The following ORC3 variants were observed in gnomAD, a reference collection of about 807,000 sequenced individuals.
ORC3 encodes the protein origin recognition complex subunit 3.
A neutral mutation model predicts 100.7 loss-of-function variants in ORC3; 78 were observed. The observed-to-expected ratio is 0.77, with a 90% CI of 0.65 to 0.94. The LOEUF (loss-of-function observed/expected upper bound fraction) is 0.94, where lower values mean the gene tolerates loss of function less well. ORC3 is among the 40% of genes least tolerant of loss of function. ORC3 has a pLI of 0.00. For missense variants in ORC3, 789 were observed against 823.9 expected (o/e 0.96, Z 0.52); for synonymous variants, 295 against 289.3 (o/e 1.02, Z -0.20).
chr6:87,669,972 G>A (rs1437193808), downstream of ORC3, among the ~76,000 whole-genome samples: 2 of 152,174 alleles, frequency 1.3e-5, no homozygotes, highest in Non-Finnish European at 2.9e-5. Context: ...TACACTGTAA[G>A]GTACAGAGGA....
chr6:87,607,736 C>T lies in ORC3; in HGVS notation c.491C>T (p.Ser164Phe). The change falls in exon 6 of 20, where the codon TCC (serine) becomes TTC (phenylalanine). Residue 164 changes from serine (S) to phenylalanine (F), a missense_variant. By Grantham distance (155) the Ser-to-Phe change is radical. Coordinates refer to ENST00000392844, the MANE Select transcript of ORC3 (RefSeq NM_012381.4). ...ATGGACTGCTGTGTAGATATAAAAT[C>T]CAAAGAGGAGGAAAGTGTTCACGTC... is the stretch of plus-strand genomic sequence containing the variant. ...QLMDCCVDIKSKEEESVHVTQ... is the reference protein window; with the variant it reads ...QLMDCCVDIKFKEEESVHVTQ... 6.2e-7 allele frequency: 1 copy of T among 1,611,150 alleles called. No homozygotes were observed. Among genetic ancestry groups the T allele is most frequent in the Non-Finnish European group, 8.5e-7 (1 of 1,178,170 alleles).
At chr6:87,673,192 ACTCT>A in the ORC3 span, among the ~76,000 whole-genome samples, 1 of 119,856 alleles carries the variant, frequency 8.3e-6, no homozygotes, top group Middle Eastern at 7.0e-3. Flanking sequence ...ACAGAGTCTC[ACTCT>A]GTCACCCAGA....
intron 2 of ORC3, among the ~76,000 whole-genome samples, chr6:87,597,714 T>G (rs1463981286): frequency 6.7e-6 from 1 of 149,672 alleles, no homozygotes; most frequent in African/African-American, 2.5e-5. Context: ...CACACACATA[T>G]ATATATAATT....
chr6:87,640,006 T>C (rs1768120219), intron 13 of ORC3, among the ~76,000 whole-genome samples: 1 of 151,376 alleles, frequency 6.6e-6, no homozygotes, highest in Non-Finnish European at 1.5e-5. Flanking sequence ...AAAATATACA[T>C]ATAAAAGAAA....
At position 87,614,709 on chromosome 6, in the gene ORC3, G is replaced by A. The variant is rs573664814; in HGVS notation, c.874-1605G>A. Among the ~76,000 whole-genome samples, 14 of 152,218 alleles carry A rather than the reference G, an allele frequency of 9.2e-5. No individual in the cohort carries two copies. In the South Asian group the frequency reaches 1.2e-3, roughly 14 times the overall value. On this transcript the variant is annotated intron_variant, in intron 8 of 19. Coordinates refer to ENST00000392844, the MANE Select transcript of ORC3 (RefSeq NM_012381.4). Reference sequence around the variant, plus strand: ...ATCTCTGGGGCAGGGGCAAAATGCCGCCAGTCTCTTTGCTAAAACATAACA... The same window carrying A: ...ATCTCTGGGGCAGGGGCAAAATGCCACCAGTCTCTTTGCTAAAACATAACA...
At chr6:87,592,928 C>G (rs760465606) in intron 1 of ORC3, among the ~76,000 whole-genome samples, 7 of 151,762 alleles carry the variant, frequency 4.6e-5, no homozygotes, top group Non-Finnish European at 8.8e-5. Context: ...CCCGTCTCTA[C>G]TAAAAATACA....
the ORC3 span, chr6:87,675,983 C>T: frequency 1.3e-6 from 2 of 1,489,292 alleles, no homozygotes; most frequent in Non-Finnish European, 1.9e-6. Flanking sequence ...TTATTAGAGC[C>T]AGATAAACTG....
intron 13 of ORC3, among the ~76,000 whole-genome samples, chr6:87,638,542 A>C (rs1767992191): frequency 6.6e-6 from 1 of 152,254 alleles, no homozygotes; most frequent in Non-Finnish European, 1.5e-5. Context: ...AATCAGCTTA[A>C]ATTATTTTTC....
At chr6:87,657,886 G>A in intron 15 of ORC3, 35 bp from the exon 16 acceptor site, 1 of 1,180,510 alleles carries the variant, frequency 8.5e-7, no homozygotes. Flanking sequence ...TTCTGTCTGA[G>A]GATCACCAGA....
rs200786574 is a variant in ORC3, at chr6:87,610,204, C to CTTAATT, written c.713+977_713+978insAATTTT. ...TTGTGTTAAATAATTTACTAGTATA[C>CTTAATT]TTTATTTTTATTTTTATTTTTGGAG... On this transcript the variant is annotated intron_variant, in intron 7 of 19. Coordinates refer to ENST00000392844, the MANE Select transcript of ORC3 (RefSeq NM_012381.4). Among the ~76,000 whole-genome samples the CTTAATT allele has an allele frequency of 5.3e-5, 8 of 151,988 alleles. No homozygotes were observed. The East Asian group carries it at 1.5e-3, about 29-fold the overall frequency.
At chr6:87,641,860 T>A (rs1768282527) in intron 13 of ORC3, among the ~76,000 whole-genome samples, 1 of 152,198 alleles carries the variant, frequency 6.6e-6, no homozygotes, top group Non-Finnish European at 1.5e-5. Context: ...TTTCCTGACT[T>A]TGCAGATCAA....
At chr6:87,609,407 C>A in intron 7 of ORC3, 178 bp downstream of exon 7, 2 of 493,070 alleles carry the variant, frequency 4.1e-6, no homozygotes, top group Non-Finnish European at 6.9e-6. Context: ...CTTTTTGAGC[C>A]AAGAATGAGA....
At chr6:87,665,538 ACT>A (rs1266628339) in intron 18 of ORC3, among the ~76,000 whole-genome samples, 1 of 152,122 alleles carries the variant, frequency 6.6e-6, no homozygotes, top group African/African-American at 2.4e-5. Flanking sequence ...TTCTCTGCAT[ACT>A]CTTAGTTCTC....
chr6:87,644,076 G>GT lies in ORC3; in HGVS notation c.1382+7591dup, dbSNP rs1562366738. Among the ~76,000 whole-genome samples the GT allele has an allele frequency of 1.0e-4, 10 of 99,676 alleles. 1 individual carries two copies. Among genetic ancestry groups the GT allele is most frequent in the African/African-American group, 3.5e-4 (8 of 22,902 alleles). 65.4% of individuals were successfully genotyped at this position (99,676 alleles called of 152,430 possible). On this transcript the variant is annotated intron_variant, in intron 13 of 19. Transcript: ENST00000392844. The stretch of plus-strand genomic sequence containing the variant: ...GACCCACAGATACAGATGGCTGACT[G>GT]TCCTTTTTTTTTTTTTTTTTTTTTT...
intron 16 of ORC3, among the ~76,000 whole-genome samples, chr6:87,659,032 AG>A (rs1769960982): frequency 9.7e-6 from 1 of 102,616 alleles, no homozygotes. Context: ...CGGGGGGGGG[AG>A]AACCTGTTAT....
chr6:87,622,883 A>G (rs143276386), intron 11 of ORC3, among the ~76,000 whole-genome samples: 25 of 152,314 alleles, frequency 1.6e-4, no homozygotes, highest in African/African-American at 5.3e-4. Context: ...CTTTTTTAAG[A>G]ACATGCCTCT....
chr6:87,636,405 A>C lies in ORC3; in HGVS notation c.1303-2A>C. The C allele has an allele frequency of 6.3e-7, 1 of 1,596,028 alleles. No individual in the cohort carries two copies. Among genetic ancestry groups the C allele is most frequent in the Non-Finnish European group, 8.6e-7 (1 of 1,163,930 alleles). On this transcript the variant is annotated splice_acceptor_variant, in intron 12 of 19. Coordinates refer to ENST00000392844, the MANE Select transcript of ORC3 (RefSeq NM_012381.4). LOFTEE classifies it high-confidence loss of function. ...CCTCACAAATGTGTTGTTCCCTTAC[A>C]GATCAGAGAGTTGTACTGTACATGT...
intron 4 of ORC3, among the ~76,000 whole-genome samples, chr6:87,605,249 C>G (rs973927973): frequency 2.0e-5 from 3 of 152,120 alleles, no homozygotes; most frequent in African/African-American, 7.2e-5. Context: ...AGTGATCCTC[C>G]CAAAGTGCTG....
At chr6:87,640,745 TA>T (rs1768182613) in intron 13 of ORC3, among the ~76,000 whole-genome samples, 1 of 152,228 alleles carries the variant, frequency 6.6e-6, no homozygotes, top group Non-Finnish European at 1.5e-5. Context: ...GCTAGGCCAG[TA>T]ATTTTTCATA....
Sources: gnomAD v4.1 joint callset for allele counts (sites outside exome capture counted in the v4.1 genomes callset) on GRCh38, gnomAD v4.1.1 for gene constraint, MANE v1.5 for transcripts, NCBI Gene and HGNC (gene_info 2026-07-23, HGNC 2026-07-21) for gene names.